GOLM2: variants seen among roughly 807,000 people sequenced by gnomAD.
The protein encoded by GOLM2 is protein GOLM2.
Under a neutral mutation model 55.9 loss-of-function variants are expected in GOLM2, and 26 were observed. The ratio of observed to expected loss-of-function variants is 0.47; its 90% CI spans 0.34 to 0.65. GOLM2 has a LOEUF of 0.65. Ranked by LOEUF, GOLM2 falls within the 30% of genes least tolerant of loss-of-function variation. The pLI is 0.01. For missense variants in GOLM2, 486 were observed against 531.8 expected (o/e 0.91, Z 0.85); for synonymous variants, 165 against 194.6 (o/e 0.85, Z 1.27).
chr15:44,332,743 GTC>G (rs2079030498), intron 4 of GOLM2, among the ~76,000 whole-genome samples: 1 of 151,862 alleles, frequency 6.6e-6, no homozygotes, highest in African/African-American at 2.4e-5. Flanking sequence ...TTTATCATCA[GTC>G]TCTGTTATTC....
chr15:44,384,456 C>T (rs1157585228), intron 8 of GOLM2, among the ~76,000 whole-genome samples: 1 of 151,900 alleles, frequency 6.6e-6, no homozygotes, highest in Non-Finnish European at 1.5e-5. Flanking sequence ...ACTAAAAGTA[C>T]AAAAATTAGG....
intron 4 of GOLM2, among the ~76,000 whole-genome samples, chr15:44,333,097 T>C (rs2079033228): frequency 6.6e-6 from 1 of 152,110 alleles, no homozygotes; most frequent in Non-Finnish European, 1.5e-5. Flanking sequence ...CACGCCCGGC[T>C]AATTTTTTGT....
intron 1 of GOLM2, among the ~76,000 whole-genome samples, chr15:44,309,516 C>T (rs1353157048): frequency 6.6e-6 from 1 of 151,964 alleles, no homozygotes; most frequent in African/African-American, 2.4e-5. Context: ...CTATGAGATT[C>T]CCAATTTATT....
At chr15:44,373,396 G>T (rs1366868842) in intron 6 of GOLM2, among the ~76,000 whole-genome samples, 1 of 151,538 alleles carries the variant, frequency 6.6e-6, no homozygotes, top group Non-Finnish European at 1.5e-5. Flanking sequence ...GGCGGAGCTT[G>T]CAGTGAGCCG....
intron 3 of GOLM2, 119 bp downstream of exon 3, chr15:44,328,906 T>A: frequency 1.7e-6 from 1 of 593,932 alleles, no homozygotes; most frequent in Non-Finnish European, 2.8e-6. Flanking sequence ...TTCATTTTGT[T>A]AAGCCTTTTA....
chr15:44,330,515 A>G (rs1006770797), intron 3 of GOLM2, among the ~76,000 whole-genome samples: 17 of 128,722 alleles, frequency 1.3e-4, no homozygotes, highest in Admixed American at 4.5e-4. Context: ...CTCCATCTGG[A>G]AAAAAAAAAA....
chr15:44,360,663 G>C (rs1026187358), intron 6 of GOLM2, among the ~76,000 whole-genome samples: 31 of 152,116 alleles, frequency 2.0e-4, no homozygotes, highest in African/African-American at 7.5e-4. Context: ...AAGTCAACAA[G>C]GATACCCAGG....
At chr15:44,368,922 T>G (rs1455737745) in intron 6 of GOLM2, among the ~76,000 whole-genome samples, 1 of 149,762 alleles carries the variant, frequency 6.7e-6, no homozygotes, top group African/African-American at 2.4e-5. Flanking sequence ...TTGAGGAGTT[T>G]GGATTTTGTT....
chr15:44,354,717 A>G, intron 6 of GOLM2: 1 of 172,976 alleles, frequency 5.8e-6, no homozygotes. Flanking sequence ...GGTTGTAGTA[A>G]ACACATTTGG....
At chr15:44,375,087 G>A (rs548764927) in intron 6 of GOLM2, among the ~76,000 whole-genome samples, 11 of 152,004 alleles carry the variant, frequency 7.2e-5, no homozygotes, top group Admixed American at 2.0e-4. Flanking sequence ...GTGCTATCTC[G>A]GCTCACTGCA....
chr15:44,329,927 T>G (rs1595629198), intron 3 of GOLM2, among the ~76,000 whole-genome samples: 2 of 127,136 alleles, frequency 1.6e-5, no homozygotes, highest in African/African-American at 6.1e-5. Context: ...TGAGATGGAG[T>G]CTCTCACGTC....
intron 8 of GOLM2, among the ~76,000 whole-genome samples, chr15:44,392,333 C>T (rs2079496235): frequency 6.6e-6 from 1 of 151,416 alleles, no homozygotes; most frequent in Non-Finnish European, 1.5e-5. Flanking sequence ...TATAAAAATC[C>T]TAAACAAGGC....
intron 1 of GOLM2, among the ~76,000 whole-genome samples, chr15:44,318,595 G>A (rs1049293772): frequency 1.3e-5 from 2 of 152,040 alleles, no homozygotes; most frequent in Non-Finnish European, 2.9e-5. Flanking sequence ...TGTAGTCCAA[G>A]CTACTTGGGA....
At chr15:44,361,695 A>C (rs1478052832) in intron 6 of GOLM2, among the ~76,000 whole-genome samples, 1 of 152,154 alleles carries the variant, frequency 6.6e-6, no homozygotes, top group East Asian at 1.9e-4. Context: ...AACTCATTTT[A>C]TGAGGCCAGC....
At chr15:44,321,315 T>TA (rs1327654083) in intron 1 of GOLM2, among the ~76,000 whole-genome samples, 17 of 151,442 alleles carry the variant, frequency 1.1e-4, no homozygotes, top group Non-Finnish European at 2.2e-4. Flanking sequence ...CTACTAAAAA[T>TA]AAAAAAATTA....
chr15:44,347,734 G>T (rs1328681908), intron 6 of GOLM2, among the ~76,000 whole-genome samples: 9 of 152,164 alleles, frequency 5.9e-5, no homozygotes, highest in Admixed American at 4.6e-4. Flanking sequence ...GGTGACTAAG[G>T]AAGTGCTTGT....
Position 44,414,783 on chromosome 15 carries a change from T to C in GOLM2, c.*1377T>C, listed in dbSNP as rs2079662509. Reference sequence around the variant, plus strand: ...AAAATGAATCTTTGTAATTACTTAATATGTTAGTTAAGAACCCGTCAAGCT... The same window carrying C: ...AAAATGAATCTTTGTAATTACTTAACATGTTAGTTAAGAACCCGTCAAGCT... On this transcript the variant is annotated 3_prime_UTR_variant, in exon 10 of 10. Coordinates refer to ENST00000299957, the MANE Select transcript of GOLM2 (RefSeq NM_138423.4). 2 of 152,676 alleles carry C rather than the reference T, an allele frequency of 1.3e-5. No homozygotes were observed. The highest frequency in any genetic ancestry group is 4.8e-5 in the African/African-American group (2 of 41,466). The allele number at this position is 152,676 out of a possible 1,614,324, so 9.5% of individuals were successfully genotyped here. A position where few individuals can be genotyped will look rare whatever the true frequency, so the allele number is the denominator to read the frequency against.
At chr15:44,379,251 C>G (rs1018445748) in intron 6 of GOLM2, among the ~76,000 whole-genome samples, 5 of 152,068 alleles carry the variant, frequency 3.3e-5, no homozygotes, top group Non-Finnish European at 5.9e-5. Flanking sequence ...CTGAGGGAAG[C>G]AGATCACCTG....
chr15:44,355,745 C>G (rs1489103175), intron 6 of GOLM2: 3 of 161,926 alleles, frequency 1.9e-5, no homozygotes, highest in Non-Finnish European at 2.7e-5. Flanking sequence ...AAGAGAGGCT[C>G]TCAGCTGCTG....
Sources: gnomAD v4.1 joint callset for allele counts (sites outside exome capture counted in the v4.1 genomes callset) on GRCh38, gnomAD v4.1.1 for gene constraint, MANE v1.5 for transcripts, NCBI Gene and HGNC (gene_info 2026-07-23, HGNC 2026-07-21) for gene names.